Variants in DNAJC1 observed in about 807,000 individuals in gnomAD.
The protein encoded by DNAJC1 is DnaJ heat shock protein family (Hsp40) member C1, also known as dnaJ homolog subfamily C member 1.
A neutral mutation model predicts 76.6 loss-of-function variants in DNAJC1; 58 were observed. The ratio of observed to expected loss-of-function variants is 0.76; its 90% CI spans 0.61 to 0.94. The LOEUF is 0.94. DNAJC1 is among the 40% of genes least tolerant of loss of function. DNAJC1 has a pLI of 0.00. For missense variants in DNAJC1, 689 were observed against 677.3 expected, an observed-to-expected ratio of 1.02 and a Z score of -0.19; for synonymous variants, 258 against 267.9, an observed-to-expected ratio of 0.96 and a Z score of 0.36.
chr10:21,989,639 G>A (rs544524532), intron 1 of DNAJC1, among the ~76,000 whole-genome samples: 23 of 152,292 alleles, frequency 1.5e-4, no homozygotes, highest in Admixed American at 3.9e-4. Flanking sequence ...GAAGGACACT[G>A]CCTGAGGCTA....
At chr10:22,000,756 C>A (rs1229849188) in intron 1 of DNAJC1, among the ~76,000 whole-genome samples, 1 of 152,164 alleles carries the variant, frequency 6.6e-6, no homozygotes, top group African/African-American at 2.4e-5. Flanking sequence ...AAAAGAAGCC[C>A]CAGAGAGCTG....
intron 8 of DNAJC1, among the ~76,000 whole-genome samples, chr10:21,808,303 GCATA>G (rs1377376867): frequency 2.0e-5 from 3 of 151,904 alleles, no homozygotes; most frequent in African/African-American, 7.3e-5. Flanking sequence ...CAAATACTCT[GCATA>G]CATAAACATT....
At chr10:21,865,630 T>A (rs1835985441) in intron 8 of DNAJC1, 1 of 152,134 alleles carries the variant, frequency 6.6e-6, no homozygotes, top group Admixed American at 6.5e-5. Flanking sequence ...ACATGTTCAA[T>A]ATCTTGATTC....
chr10:21,843,583 C>G (rs1056691573), intron 8 of DNAJC1, among the ~76,000 whole-genome samples: 1 of 151,580 alleles, frequency 6.6e-6, no homozygotes, highest in Non-Finnish European at 1.5e-5. Flanking sequence ...TTAGTAGAGA[C>G]CAGGTTTTAC....
intron 8 of DNAJC1, among the ~76,000 whole-genome samples, chr10:21,808,830 C>T (rs1834922004): frequency 6.6e-6 from 1 of 152,194 alleles, no homozygotes; most frequent in African/African-American, 2.4e-5. Flanking sequence ...ATATTCATCT[C>T]TACAGTAAAG....
intron 9 of DNAJC1, chr10:21,804,041 C>T (rs1049261484): frequency 2.4e-6 from 2 of 818,436 alleles, no homozygotes; most frequent in Non-Finnish European, 1.5e-6. Flanking sequence ...TAAAAAGATG[C>T]TTTTGACAGC....
chr10:21,778,690 T>G (rs1834484409), intron 9 of DNAJC1, among the ~76,000 whole-genome samples: 2 of 152,200 alleles, frequency 1.3e-5, no homozygotes, highest in African/African-American at 2.4e-5. Context: ...ACGGGTGATT[T>G]CTGCATTTCC....
chr10:21,840,655 A>G (rs1211244174), intron 8 of DNAJC1, among the ~76,000 whole-genome samples: 2 of 152,206 alleles, frequency 1.3e-5, no homozygotes, highest in Non-Finnish European at 2.9e-5. Flanking sequence ...AAGAATCAAT[A>G]TCGTGAAAAT....
chr10:21,876,661 T>C (rs1836193006), intron 8 of DNAJC1, among the ~76,000 whole-genome samples: 1 of 151,984 alleles, frequency 6.6e-6, no homozygotes, highest in Non-Finnish European at 1.5e-5. Context: ...GAAGTTACAG[T>C]GATTAAGACC....
rs575003599 is a variant in DNAJC1, at chr10:21,916,016, T to C, written c.729+2763A>G. Among the ~76,000 whole-genome samples the C allele has an allele frequency of 1.6e-3, 248 of 151,870 alleles. 1 individual carries two copies. The highest frequency in any genetic ancestry group is 5.7e-3 in the African/African-American group (236 of 41,442). ...TAAATTAAATTAAATTAAAATGAAG[T>C]TAACTAGATGTCAGAAAGCCAATTA... On this transcript the variant is annotated intron_variant, in intron 6 of 11. Transcript: ENST00000376980.
intron 7 of DNAJC1, among the ~76,000 whole-genome samples, chr10:21,897,807 T>G (rs1836568238): frequency 6.6e-6 from 1 of 152,230 alleles, no homozygotes; most frequent in African/African-American, 2.4e-5. Flanking sequence ...CCTTAAGGTT[T>G]GGAATAAGGC....
intron 6 of DNAJC1, among the ~76,000 whole-genome samples, chr10:21,917,727 T>A (rs958311401): frequency 4.6e-5 from 7 of 152,002 alleles, no homozygotes; most frequent in African/African-American, 1.4e-4. Context: ...TTTTTCTCTA[T>A]TAACTGTAAA....
chr10:21,828,420 G>A (rs574167509), intron 8 of DNAJC1, among the ~76,000 whole-genome samples: 27 of 152,188 alleles, frequency 1.8e-4, no homozygotes, highest in Non-Finnish European at 3.5e-4. Flanking sequence ...TTATTTTCAT[G>A]TTCATGATTT....
intron 8 of DNAJC1, among the ~76,000 whole-genome samples, chr10:21,809,802 G>A (rs765446683): frequency 2.0e-4 from 30 of 151,892 alleles, no homozygotes; most frequent in Non-Finnish European, 3.1e-4. Flanking sequence ...TAAATACATG[G>A]TATAAAAACA....
At chr10:21,835,637 T>C (rs999457268) in intron 8 of DNAJC1, among the ~76,000 whole-genome samples, 2 of 152,174 alleles carry the variant, frequency 1.3e-5, no homozygotes, top group East Asian at 1.9e-4. Context: ...TTAAAGGACC[T>C]GATGGAGCTG....
intron 8 of DNAJC1, among the ~76,000 whole-genome samples, chr10:21,879,901 T>C (rs1341638542): frequency 6.6e-6 from 1 of 152,180 alleles, no homozygotes; most frequent in Non-Finnish European, 1.5e-5. Flanking sequence ...AAGACAACAA[T>C]GAAGTTTGAT....
chr10:21,771,232 T>C (rs1834373148), intron 9 of DNAJC1, among the ~76,000 whole-genome samples: 1 of 152,214 alleles, frequency 6.6e-6, no homozygotes, highest in Non-Finnish European at 1.5e-5. Context: ...AATCATGCCA[T>C]CTGCAAATAG....
At chr10:21,792,672 T>C (rs1834704915) in intron 9 of DNAJC1, among the ~76,000 whole-genome samples, 2 of 151,640 alleles carry the variant, frequency 1.3e-5, no homozygotes, top group Non-Finnish European at 1.5e-5. Flanking sequence ...GGCAGGAGAA[T>C]TGCTTGAACC....
chr10:21,920,754 A>G (rs751373582), intron 4 of DNAJC1, 44 bp downstream of exon 4: 1 of 1,522,796 alleles, frequency 6.6e-7, no homozygotes, highest in East Asian at 2.3e-5. Flanking sequence ...AATTCCATAT[A>G]AAATTAAGGA....
Sources: gnomAD v4.1 joint callset for allele counts (sites outside exome capture counted in the v4.1 genomes callset) on GRCh38, gnomAD v4.1.1 for gene constraint, MANE v1.5 for transcripts, NCBI Gene and HGNC (gene_info 2026-07-23, HGNC 2026-07-21) for gene names.